The following PCDHA12 variants were observed in gnomAD, a reference collection of about 807,000 sequenced individuals.
The protein encoded by PCDHA12 is protocadherin alpha-12.
In PCDHA12, 44 loss-of-function variants were observed where a neutral mutation model predicts 60.0. The ratio of observed to expected loss-of-function variants is 0.73; its 90% CI spans 0.58 to 0.94. The LOEUF is 0.94. Ranked by LOEUF, PCDHA12 falls within the 40% of genes least tolerant of loss-of-function variation. The pLI is 0.00. For missense variants in PCDHA12, 1,276 were observed against 1,239.7 expected (o/e 1.03, Z -0.44); for synonymous variants, 569 against 553.0 (o/e 1.03, Z -0.40).
At chr5:140,882,643 C>T in intron 1 of PCDHA12, 1 of 1,614,190 alleles carries the variant, frequency 6.2e-7, no homozygotes, top group Non-Finnish European at 8.5e-7. Context: ...AGGTGAGGGA[C>T]ATTAACGACA....
intron 1 of PCDHA12, among the ~76,000 whole-genome samples, chr5:140,889,104 T>C (rs2062103050): frequency 6.6e-6 from 1 of 151,956 alleles, no homozygotes; most frequent in Admixed American, 6.6e-5. Flanking sequence ...TTTTTCATCT[T>C]TATTCCAGGT....
At chr5:140,911,968 T>A (rs1554195054) in intron 1 of PCDHA12, among the ~76,000 whole-genome samples, 2 of 152,138 alleles carry the variant, frequency 1.3e-5, no homozygotes, top group East Asian at 3.9e-4. Flanking sequence ...TAAGGAGTAT[T>A]AACTCACATG....
chr5:140,982,224 A>T, intron 2 of PCDHA12: 1 of 587,320 alleles, frequency 1.7e-6, no homozygotes, highest in South Asian at 3.8e-5. Context: ...TGGCGTTAAT[A>T]AAAAACAGAA....
At chr5:140,878,063 T>A (rs2057461897) in intron 1 of PCDHA12, 1 of 402,806 alleles carries the variant, frequency 2.5e-6, no homozygotes, top group Non-Finnish European at 4.1e-6. Context: ...CACTTAATAT[T>A]TTTCTTTTTC....
intron 1 of PCDHA12, chr5:140,927,487 C>T: frequency 1.2e-6 from 2 of 1,614,142 alleles, no homozygotes; most frequent in Non-Finnish European, 1.7e-6. Context: ...GCGCGCCACC[C>T]ACCTGCTGGT....
At chr5:140,887,994 C>T (rs1168995086) in intron 1 of PCDHA12, among the ~76,000 whole-genome samples, 1 of 152,016 alleles carries the variant, frequency 6.6e-6, no homozygotes, top group Non-Finnish European at 1.5e-5. Flanking sequence ...ATGTCTCCAC[C>T]GAATAGTCAT....
intron 1 of PCDHA12, among the ~76,000 whole-genome samples, chr5:140,920,911 G>C (rs1290667252): frequency 6.6e-6 from 1 of 150,718 alleles, no homozygotes; most frequent in African/African-American, 2.4e-5. Context: ...TCTCAAATCA[G>C]TTCCAAGAGT....
intron 3 of PCDHA12, among the ~76,000 whole-genome samples, chr5:140,988,499 C>CTT (rs2097300398): frequency 6.6e-6 from 1 of 152,138 alleles, no homozygotes; most frequent in Non-Finnish European, 1.5e-5. Context: ...CTAGGAGAAG[C>CTT]CATGAAGCTT....
intron 1 of PCDHA12, among the ~76,000 whole-genome samples, chr5:140,964,690 A>G (rs1554227180): frequency 2.6e-5 from 4 of 152,036 alleles, no homozygotes. Context: ...TGTGCACTTG[A>G]GAGATTAAGG....
At chr5:140,941,197 TTCTTC>T (rs1554213863) in intron 1 of PCDHA12, among the ~76,000 whole-genome samples, 1 of 112,110 alleles carries the variant, frequency 8.9e-6, no homozygotes. Context: ...TTTTTTTTCT[TTCTTC>T]CTTTCTTTCT....
chr5:140,973,929 T>C (rs2096608226), intron 1 of PCDHA12, among the ~76,000 whole-genome samples: 1 of 152,216 alleles, frequency 6.6e-6, no homozygotes, highest in Non-Finnish European at 1.5e-5. Flanking sequence ...AACCCAGAGG[T>C]TTAGCTGAAT....
chr5:140,921,228 T>G (rs1401455945), intron 1 of PCDHA12, among the ~76,000 whole-genome samples: 11 of 152,154 alleles, frequency 7.2e-5, no homozygotes, highest in African/African-American at 2.7e-4. Context: ...TTTTGCTAGA[T>G]GATATTAAGC....
rs781845787 is a variant in PCDHA12, at chr5:140,884,003, G to C, written c.2367+6164G>C. 7.4e-6 allele frequency: 12 copies of C among 1,613,086 alleles called. No homozygotes were observed. In the South Asian group the frequency reaches 1.3e-4, roughly 18 times the overall value. ...TGGCAGCGCGGGAGGCACAGTGAGC[G>C]AGCTGATGCCGCGGTCGGTGGGTGC... On this transcript the variant is annotated intron_variant, in intron 1 of 3. Transcript: ENST00000398631.
intron 1 of PCDHA12, chr5:140,882,514 C>T: frequency 2.5e-6 from 4 of 1,614,150 alleles, no homozygotes; most frequent in Non-Finnish European, 3.4e-6. Context: ...TGCAGAATGG[C>T]ATTTTGTTTG....
chr5:140,915,630 C>G (rs2077218866), intron 1 of PCDHA12, among the ~76,000 whole-genome samples: 1 of 142,802 alleles, frequency 7.0e-6, no homozygotes, highest in South Asian at 2.1e-4. Flanking sequence ...CTTTCTGTCT[C>G]TCTCTCTCTC....
chr5:140,962,127 G>A (rs1198076557), intron 1 of PCDHA12, among the ~76,000 whole-genome samples: 1 of 151,934 alleles, frequency 6.6e-6, no homozygotes, highest in East Asian at 1.9e-4. Flanking sequence ...CCTTGGCCTC[G>A]GCCTCCCAAA....
rs1554228541 is a variant in PCDHA12 at position 140,966,673 on chromosome 5, T to C, written c.2368-12276T>C. 2.3e-6 allele frequency: 3 copies of C among 1,290,056 alleles called. No homozygotes were observed. The African/African-American group carries it at 4.7e-5, about 20-fold the overall frequency. The allele number at this position is 1,290,056 out of a possible 1,614,324, so 79.9% of individuals were successfully genotyped here. A position where few individuals can be genotyped will look rare whatever the true frequency, so the allele number is the denominator to read the frequency against. On this transcript the variant is annotated intron_variant, in intron 1 of 3. Coordinates refer to ENST00000398631, the MANE Select transcript of PCDHA12 (RefSeq NM_018903.4). ...GAGCGGTGGGGGAGCAGGCGCAGGG[T>C]GGCACGAGCGGAGGCGGGGCCCGGG...
chr5:140,930,338 A>T (rs2086745230), intron 1 of PCDHA12: 1 of 152,214 alleles, frequency 6.6e-6, no homozygotes, highest in African/African-American at 2.4e-5. Flanking sequence ...AATGAAAGTT[A>T]AGTGATTCAA....
intron 1 of PCDHA12, chr5:140,967,329 G>A: frequency 6.2e-7 from 1 of 1,608,212 alleles, no homozygotes; most frequent in Non-Finnish European, 8.5e-7. Flanking sequence ...TACGAGCTCA[G>A]CCCCAGCGAG....
Sources: allele counts gnomAD v4.1 joint callset (sites outside exome capture counted in the v4.1 genomes callset), GRCh38; gene constraint gnomAD v4.1.1; transcripts MANE v1.5; gene names NCBI Gene and HGNC (gene_info 2026-07-23, HGNC 2026-07-21).